VSNL1: variants seen among roughly 807,000 people sequenced by gnomAD.
The protein encoded by VSNL1 is visinin-like protein 1.
In VSNL1, 6 loss-of-function variants were observed where a neutral mutation model predicts 20.4. That is an observed-to-expected ratio of 0.29 (90% CI 0.16 to 0.58). The LOEUF is 0.58. Ranked by LOEUF, VSNL1 falls within the 20% of genes least tolerant of loss-of-function variation. The pLI is 0.90. For missense variants in VSNL1, 100 were observed against 234.5 expected (o/e 0.43, Z 3.75); for synonymous variants, 93 against 86.4 (o/e 1.08, Z -0.42).
chr2:17,550,205 T>C (rs1312548820), intron 1 of VSNL1, among the ~76,000 whole-genome samples: 4 of 152,230 alleles, frequency 2.6e-5, no homozygotes, highest in Non-Finnish European at 1.5e-5. Flanking sequence ...CTGCAAATTA[T>C]TATATTATGG....
At chr2:17,631,181 AG>A (rs1248683765) in intron 2 of VSNL1, among the ~76,000 whole-genome samples, 4 of 152,174 alleles carry the variant, frequency 2.6e-5, no homozygotes, top group Admixed American at 2.6e-4. Flanking sequence ...GAATATTCAA[AG>A]GTAAATGAGA....
intron 2 of VSNL1, among the ~76,000 whole-genome samples, chr2:17,646,262 C>T (rs1292455159): frequency 2.6e-5 from 4 of 151,994 alleles, no homozygotes; most frequent in Non-Finnish European, 5.9e-5. Context: ...CAGAAGGTGG[C>T]GAAAATACTC....
intron 2 of VSNL1, among the ~76,000 whole-genome samples, chr2:17,621,468 G>T (rs143673238): frequency 2.0e-4 from 31 of 151,876 alleles, no homozygotes; most frequent in African/African-American, 6.8e-4. Flanking sequence ...GTCTACAGGC[G>T]CACAACACCA....
intron 2 of VSNL1, among the ~76,000 whole-genome samples, chr2:17,600,426 A>C (rs1664798828): frequency 1.3e-5 from 2 of 152,224 alleles, no homozygotes; most frequent in Admixed American, 6.5e-5. Flanking sequence ...CCAGATGCCA[A>C]ATAGTCCAGT....
At chr2:17,612,362 G>T (rs1665112042) in intron 2 of VSNL1, among the ~76,000 whole-genome samples, 1 of 152,198 alleles carries the variant, frequency 6.6e-6, no homozygotes, top group Non-Finnish European at 1.5e-5. Context: ...CAGTGTAAAG[G>T]CCCCTTCCGC....
chr2:17,560,209 C>CAT (rs904583957), intron 1 of VSNL1, among the ~76,000 whole-genome samples: 16 of 65,846 alleles, frequency 2.4e-4, no homozygotes, highest in African/African-American at 6.1e-4. Flanking sequence ...TATATATATA[C>CAT]ATATATATAT....
At position 17,634,747 on chromosome 2, in the gene VSNL1, GT is replaced by G. The variant is rs1242443955; in HGVS notation, c.163-14661del. Among the ~76,000 whole-genome samples the G allele has an allele frequency of 6.6e-6, 1 of 152,154 alleles. No individual in the cohort carries two copies. Among genetic ancestry groups the G allele is most frequent in the Non-Finnish European group, 1.5e-5 (1 of 68,026 alleles). ...CACAACTGCCAAAGAAGAGAAAATG[GT>G]TAGCTCATTCCCATAGTCACACAGT... On this transcript the variant is annotated intron_variant, in intron 2 of 3. Coordinates refer to ENST00000295156, the MANE Select transcript of VSNL1 (RefSeq NM_003385.5). This position sits in a 1 kb window ranked among gnomAD's most constrained non-coding sequence, Gnocchi z 4.3.
At chr2:17,614,450 G>A (rs182623836) in intron 2 of VSNL1, among the ~76,000 whole-genome samples, 47 of 152,300 alleles carry the variant, frequency 3.1e-4, no homozygotes, top group African/African-American at 9.1e-4. Flanking sequence ...CTTTGGAGCC[G>A]ACTCCGCCTT....
At chr2:17,549,149 A>G (rs1007213180) in intron 1 of VSNL1, among the ~76,000 whole-genome samples, 1 of 152,234 alleles carries the variant, frequency 6.6e-6, no homozygotes, top group African/African-American at 2.4e-5. Context: ...TGGTGATATC[A>G]CTTGCATATC....
chr2:17,572,782 T>G (rs1469069175), intron 1 of VSNL1, among the ~76,000 whole-genome samples: 1 of 152,196 alleles, frequency 6.6e-6, no homozygotes, highest in Non-Finnish European at 1.5e-5. Context: ...CATAACATGC[T>G]CTTTCACATC....
At chr2:17,593,346 A>C (rs779869097) in intron 2 of VSNL1, among the ~76,000 whole-genome samples, 5 of 152,252 alleles carry the variant, frequency 3.3e-5, no homozygotes, top group Admixed American at 6.5e-5. Flanking sequence ...ATTATATAGC[A>C]GTCAAAATAC....
intron 2 of VSNL1, among the ~76,000 whole-genome samples, chr2:17,639,365 G>A (rs1428161337): frequency 1.3e-5 from 2 of 152,126 alleles, no homozygotes; most frequent in Non-Finnish European, 2.9e-5. Context: ...GGCTGGGTTT[G>A]CACTGCTCAT....
intron 2 of VSNL1, among the ~76,000 whole-genome samples, chr2:17,600,558 T>G (rs1195751138): frequency 6.6e-6 from 1 of 152,198 alleles, no homozygotes; most frequent in Non-Finnish European, 1.5e-5. Context: ...ATAAAACATT[T>G]CAAAAAAGAT....
At chr2:17,544,903 A>G (rs534492083) in intron 1 of VSNL1, among the ~76,000 whole-genome samples, 1 of 152,180 alleles carries the variant, frequency 6.6e-6, no homozygotes, top group Non-Finnish European at 1.5e-5. Flanking sequence ...TACTATCCCA[A>G]TGGTTAATTC....
At chr2:17,643,616 C>A (rs1429228159) in intron 2 of VSNL1, among the ~76,000 whole-genome samples, 1 of 152,210 alleles carries the variant, frequency 6.6e-6, no homozygotes, top group African/African-American at 2.4e-5. Flanking sequence ...AAAACCAGGT[C>A]ATTCTCGGCC....
chr2:17,598,583 C>G (rs964344621), intron 2 of VSNL1, among the ~76,000 whole-genome samples: 1 of 152,208 alleles, frequency 6.6e-6, no homozygotes, highest in African/African-American at 2.4e-5. Context: ...AAACACTAAT[C>G]TAGGTCTTAA....
In VSNL1 at chr2:17,655,155, T is replaced by C. The variant is rs779138579; in HGVS notation, c.379-42T>C. 1.7e-5 allele frequency: 27 copies of C among 1,602,682 alleles called. No homozygotes were observed. The Admixed American group carries it at 4.4e-4, about 26-fold the overall frequency. On this transcript the variant is annotated intron_variant, in intron 3 of 3. Transcript: ENST00000295156. The surrounding 1 kb of genome is among the most constrained non-coding windows in gnomAD (Gnocchi z 5.2). ...AGGCAAGAAGAGCTCTCTGTCCTCC[T>C]GGGTTTCTGGTAATATCACCTACAA...
intron 2 of VSNL1, among the ~76,000 whole-genome samples, chr2:17,625,204 C>T (rs138187342): frequency 4.3e-4 from 65 of 152,286 alleles, no homozygotes; most frequent in African/African-American, 1.4e-3. Context: ...GTGAGGCTTC[C>T]CCAGCCACGT....
Position 17,649,144 on chromosome 2 carries a change from G to A in VSNL1, c.163-266G>A, listed in dbSNP as rs1666066447. Among the ~76,000 whole-genome samples, 1 of 152,126 alleles carries A rather than the reference G, an allele frequency of 6.6e-6. No individual in the cohort carries two copies. Among genetic ancestry groups the A allele is most frequent in the African/African-American group, 2.4e-5 (1 of 41,412 alleles). ...ACACTAGCATCAGGTGGTGCTTGTT[G>A]ACCGATTCCAAGCCCCATCAACTGA... is the stretch of plus-strand genomic sequence containing the variant. On this transcript the variant is annotated intron_variant, in intron 2 of 3. Coordinates refer to ENST00000295156, the MANE Select transcript of VSNL1 (RefSeq NM_003385.5). The surrounding 1 kb of genome is among the most constrained non-coding windows in gnomAD (Gnocchi z 6.4).
Sources: allele counts gnomAD v4.1 joint callset (sites outside exome capture counted in the v4.1 genomes callset), GRCh38; gene constraint gnomAD v4.1.1; non-coding constraint Gnocchi (gnomAD v3.1); transcripts MANE v1.5; gene names NCBI Gene and HGNC (gene_info 2026-07-23, HGNC 2026-07-21).